Variants in COL25A1 observed in about 807,000 individuals in gnomAD.
The protein encoded by COL25A1 is collagen alpha-1(XXV) chain.
In COL25A1, 103 loss-of-function variants were observed where a neutral mutation model predicts 128.4. The ratio of observed to expected loss-of-function variants is 0.80; its 90% CI spans 0.68 to 0.94. The LOEUF is 0.94. Ranked by LOEUF, COL25A1 falls within the 40% of genes least tolerant of loss-of-function variation. The pLI, the probability that COL25A1 is intolerant of heterozygous loss-of-function variation, is 0.00. For missense variants in COL25A1, 745 were observed against 840.0 expected (o/e 0.89, Z 1.40); for synonymous variants, 279 against 277.2 (o/e 1.01, Z -0.06).
chr4:108,907,907 G>C (rs879343036), intron 13 of COL25A1, among the ~76,000 whole-genome samples: 2 of 152,166 alleles, frequency 1.3e-5, no homozygotes, highest in Non-Finnish European at 2.9e-5. Flanking sequence ...TTCTGACAAA[G>C]AACAATTTGC....
At position 108,808,878 on chromosome 4, in the gene COL25A1, C is replaced by G. The variant is rs1426646954; in HGVS notation, c.*5049G>C. Reference sequence around the variant, plus strand: ...GATCAACTTCTCACAAACTAGGAACCCTGAAAACAAATTTAAAAAGCAAAT... The same window carrying G: ...GATCAACTTCTCACAAACTAGGAACGCTGAAAACAAATTTAAAAAGCAAAT... On this transcript the variant is annotated 3_prime_UTR_variant, in exon 38 of 38. Coordinates refer to ENST00000399132, the MANE Select transcript of COL25A1 (RefSeq NM_198721.4). The G allele has an allele frequency of 2.6e-5, 4 of 151,860 alleles. No homozygotes were observed. Among genetic ancestry groups the G allele is most frequent in the African/African-American group, 4.8e-5 (2 of 41,346 alleles). 9.4% of individuals were successfully genotyped at this position (151,860 alleles called of 1,614,324 possible). A position where few individuals can be genotyped will look rare whatever the true frequency, so the allele number is the denominator to read the frequency against.
chr4:109,211,440 C>G (rs2126197402), intron 3 of COL25A1, among the ~76,000 whole-genome samples: 1 of 114,072 alleles, frequency 8.8e-6, no homozygotes, highest in South Asian at 2.7e-4. Flanking sequence ...GCTGTTCACT[C>G]TGAGCCTTCC....
At chr4:108,835,703 C>T (rs1560720928) in intron 31 of COL25A1, among the ~76,000 whole-genome samples, 2 of 151,460 alleles carry the variant, frequency 1.3e-5, no homozygotes, top group African/African-American at 4.9e-5. Flanking sequence ...TACAGGCATG[C>T]GCCATCGCAC....
intron 3 of COL25A1, among the ~76,000 whole-genome samples, chr4:109,230,251 A>G (rs768971622): frequency 5.9e-5 from 9 of 152,182 alleles, no homozygotes; most frequent in Non-Finnish European, 1.0e-4. Context: ...TACAAAATCA[A>G]TGAATAATAA....
chr4:108,990,329 C>T (rs1216576376), intron 6 of COL25A1, among the ~76,000 whole-genome samples: 3 of 129,794 alleles, frequency 2.3e-5, no homozygotes, highest in Non-Finnish European at 4.7e-5. Flanking sequence ...AAATAATATA[C>T]ATCACAAAAT....
chr4:109,044,122 T>C (rs1212162520), intron 5 of COL25A1, among the ~76,000 whole-genome samples: 3 of 151,964 alleles, frequency 2.0e-5, no homozygotes, highest in Non-Finnish European at 1.5e-5. Context: ...TGTGTATGTA[T>C]GTATATAAAT....
intron 3 of COL25A1, among the ~76,000 whole-genome samples, chr4:109,223,113 TTTA>T (rs1778540201): frequency 6.6e-6 from 1 of 152,224 alleles, no homozygotes; most frequent in South Asian, 2.1e-4. Context: ...GAGATGTTTC[TTTA>T]TTGTCAGCCT....
At chr4:109,028,456 G>C (rs3096511) in intron 5 of COL25A1, among the ~76,000 whole-genome samples, 39 of 152,134 alleles carry the variant, frequency 2.6e-4, no homozygotes, top group African/African-American at 9.2e-4. Context: ...GCCAGGCCCA[G>C]TGGCTCATGT....
intron 5 of COL25A1, among the ~76,000 whole-genome samples, chr4:109,041,537 T>C (rs1392872005): frequency 9.3e-6 from 1 of 107,140 alleles, no homozygotes; most frequent in African/African-American, 5.4e-5. Flanking sequence ...TTTTACTTCT[T>C]CAGAATTATT....
At chr4:108,987,221 C>G (rs918781835) in intron 6 of COL25A1, among the ~76,000 whole-genome samples, 2 of 152,120 alleles carry the variant, frequency 1.3e-5, no homozygotes, top group African/African-American at 4.8e-5. Context: ...CACAAGGAGC[C>G]TCTCCTCCAG....
intron 3 of COL25A1, among the ~76,000 whole-genome samples, chr4:109,261,811 C>T (rs1216844766): frequency 1.3e-5 from 2 of 151,786 alleles, no homozygotes; most frequent in Non-Finnish European, 2.9e-5. Flanking sequence ...CATTCTCCTG[C>T]CTCAGCCACC....
intron 33 of COL25A1, among the ~76,000 whole-genome samples, chr4:108,826,428 C>T (rs1490658632): frequency 6.6e-6 from 1 of 152,088 alleles, no homozygotes; most frequent in African/African-American, 2.4e-5. Flanking sequence ...ATCCCAGCTA[C>T]TTGGGAGGCT....
chr4:108,853,294 T>C (rs760866198), intron 24 of COL25A1, among the ~76,000 whole-genome samples: 47 of 152,140 alleles, frequency 3.1e-4, no homozygotes, highest in Admixed American at 3.9e-4. Context: ...AGTACTTCAT[T>C]AGAGAAAACT....
intron 6 of COL25A1, among the ~76,000 whole-genome samples, chr4:108,996,519 A>C (rs1430186366): frequency 6.6e-6 from 1 of 152,116 alleles, no homozygotes; most frequent in South Asian, 2.1e-4. Context: ...ACACAATGAT[A>C]ATGGGAGATT....
chr4:109,181,457 T>C (rs548080472), intron 3 of COL25A1, among the ~76,000 whole-genome samples: 39 of 152,284 alleles, frequency 2.6e-4, no homozygotes, highest in African/African-American at 9.4e-4. Flanking sequence ...TTAATTTCTA[T>C]GTAAAGATAT....
At chr4:108,967,433 T>G (rs1042268620) in intron 8 of COL25A1, among the ~76,000 whole-genome samples, 5 of 152,234 alleles carry the variant, frequency 3.3e-5, no homozygotes, top group Non-Finnish European at 7.3e-5. Flanking sequence ...ACAATTTATG[T>G]CAACTTGGGC....
At chr4:108,850,235 T>A (rs945656724) in intron 26 of COL25A1, among the ~76,000 whole-genome samples, 3 of 151,958 alleles carry the variant, frequency 2.0e-5, no homozygotes, top group African/African-American at 7.3e-5. Context: ...GTGTAGGGAA[T>A]CAAACAATTC....
chr4:108,871,933 G>A (rs550353185), intron 19 of COL25A1, among the ~76,000 whole-genome samples: 22 of 152,256 alleles, frequency 1.4e-4, no homozygotes, highest in Non-Finnish European at 2.8e-4. Context: ...TTGACTCATG[G>A]TGTTCAGCTA....
intron 3 of COL25A1, among the ~76,000 whole-genome samples, chr4:109,265,161 C>T (rs1781702907): frequency 6.6e-6 from 1 of 152,122 alleles, no homozygotes; most frequent in Non-Finnish European, 1.5e-5. Flanking sequence ...ACTGATCATC[C>T]AGTATTTAAT....
Sources: allele counts gnomAD v4.1 joint callset (sites outside exome capture counted in the v4.1 genomes callset), GRCh38; gene constraint gnomAD v4.1.1; transcripts MANE v1.5; gene names NCBI Gene and HGNC (gene_info 2026-07-23, HGNC 2026-07-21).